The following CPE variants were observed in gnomAD, a reference collection of about 807,000 sequenced individuals.
CPE encodes carboxypeptidase E, also known as carbocypeptidase E.
A neutral mutation model predicts 53.5 loss-of-function variants in CPE; 17 were observed. That is an observed-to-expected ratio of 0.32 (90% CI 0.22 to 0.48). The LOEUF is 0.48. Ranked by LOEUF, CPE falls within the 20% of genes least tolerant of loss-of-function variation. The probability of loss-of-function intolerance (pLI) is 0.99; values close to 1 mark genes in which losing one functional copy is unlikely to be tolerated. For synonymous variants in CPE, 226 were observed against 228.8 expected, an observed-to-expected ratio of 0.99 and a Z score of 0.11; for missense variants, 524 against 614.7, an observed-to-expected ratio of 0.85 and a Z score of 1.56.
At chr4:165,385,478 G>A (rs1025805829) in intron 1 of CPE, among the ~76,000 whole-genome samples, 2 of 118,262 alleles carry the variant, frequency 1.7e-5, no homozygotes, top group African/African-American at 6.8e-5. Context: ...GGGTCTTGCT[G>A]TGTCACCCAG....
intron 1 of CPE, among the ~76,000 whole-genome samples, chr4:165,407,205 C>T (rs970295435): frequency 9.9e-5 from 15 of 152,144 alleles, no homozygotes; most frequent in South Asian, 4.1e-4. Context: ...ACATTCCCAT[C>T]GGCAGTGTAC....
chr4:165,439,694 C>T (rs1731575214), intron 1 of CPE, among the ~76,000 whole-genome samples: 1 of 151,786 alleles, frequency 6.6e-6, no homozygotes, highest in Non-Finnish European at 1.5e-5. Context: ...GACTTCTAAT[C>T]AAAGAATTAT....
intron 5 of CPE, among the ~76,000 whole-genome samples, chr4:165,486,557 C>T (rs908622448): frequency 6.6e-6 from 1 of 152,058 alleles, no homozygotes; most frequent in Non-Finnish European, 1.5e-5. Context: ...AAGATGATTA[C>T]AAGATGAAAG....
At chr4:165,387,619 A>G (rs1046366803) in intron 1 of CPE, among the ~76,000 whole-genome samples, 16 of 151,796 alleles carry the variant, frequency 1.1e-4, no homozygotes, top group Admixed American at 3.3e-4. Context: ...GACCAGCCTG[A>G]CCAACATGGT....
chr4:165,464,345 T>C (rs1560889992), intron 1 of CPE, 45 bp from the exon 2 acceptor site: 1 of 1,470,342 alleles, frequency 6.8e-7, no homozygotes, highest in Non-Finnish European at 9.2e-7. Flanking sequence ...TATTTGGCTC[T>C]GTATGTCATA....
intron 1 of CPE, among the ~76,000 whole-genome samples, chr4:165,433,518 C>T (rs898832989): frequency 6.6e-6 from 1 of 152,114 alleles, no homozygotes; most frequent in African/African-American, 2.4e-5. Context: ...ATTCTCCGCA[C>T]CAGGTGTGGG....
chr4:165,461,990 C>T (rs1732016469), intron 1 of CPE, among the ~76,000 whole-genome samples: 3 of 152,136 alleles, frequency 2.0e-5, no homozygotes. Context: ...ATATAATGAC[C>T]TTTGTTGTCC....
intron 1 of CPE, among the ~76,000 whole-genome samples, chr4:165,409,226 C>T (rs76973350): frequency 0.014 from 2,100 of 152,236 alleles, 20 homozygotes; most frequent in Middle Eastern, 0.024. Flanking sequence ...TTTTCACCCA[C>T]GCAGTCTCCC....
At chr4:165,480,990 C>G (rs1242344404) in intron 3 of CPE, among the ~76,000 whole-genome samples, 2 of 132,670 alleles carry the variant, frequency 1.5e-5, no homozygotes, top group African/African-American at 5.7e-5. Context: ...ACATTTTCTA[C>G]AATGGATATA....
intron 1 of CPE, among the ~76,000 whole-genome samples, chr4:165,390,066 A>T (rs1730656181): frequency 6.6e-6 from 1 of 152,320 alleles, no homozygotes; most frequent in African/African-American, 2.4e-5. Context: ...ATTGACATGC[A>T]TGCAAGCACA....
Position 165,498,512 on chromosome 4 carries a change from T to G in CPE, c.*902T>G, listed in dbSNP as rs924770947. On this transcript the variant is annotated 3_prime_UTR_variant, in exon 9 of 9. Transcript: ENST00000402744. ...TGTGGCAGGCAAAAGGTTCTGATTT[T>G]GGGCACAACCTTTATATAAATAACA... Among the ~76,000 whole-genome samples the G allele has an allele frequency of 1.3e-5, 2 of 152,220 alleles. No homozygotes were observed. The highest frequency in any genetic ancestry group is 4.8e-5 in the African/African-American group (2 of 41,462).
intron 2 of CPE, among the ~76,000 whole-genome samples, chr4:165,466,002 T>C (rs570350846): frequency 1.4e-4 from 22 of 152,234 alleles, no homozygotes; most frequent in Non-Finnish European, 2.2e-4. Flanking sequence ...AAAATATTAT[T>C]CATCGAACAT....
intron 3 of CPE, among the ~76,000 whole-genome samples, chr4:165,473,325 C>CA (rs1019831246): frequency 2.8e-5 from 2 of 71,900 alleles, no homozygotes; most frequent in Admixed American, 2.0e-4. Flanking sequence ...TCTGCCTTAC[C>CA]AAAAATACCT....
chr4:165,391,509 A>G (rs1049503666), intron 1 of CPE, among the ~76,000 whole-genome samples: 1 of 152,154 alleles, frequency 6.6e-6, no homozygotes, highest in Non-Finnish European at 1.5e-5. Context: ...AGTGTAAATC[A>G]TCCTAATTGG....
In CPE at chr4:165,440,462, CCA is replaced by C. The variant is rs1192278322; in HGVS notation, c.308-23919_308-23918del. On this transcript the variant is annotated intron_variant, in intron 1 of 8. Coordinates refer to ENST00000402744, the MANE Select transcript of CPE (RefSeq NM_001873.4). ...GCTGCTCTCACAACCCCACCCCCCC[CCA>C]CACACACAAGCTGTGGTTTCTGGAA... 5.0e-5 allele frequency among the ~76,000 whole-genome samples: 7 copies of C among 139,092 alleles called. 2 individuals carry two copies. Among genetic ancestry groups the C allele is most frequent in the Admixed American group, 2.8e-4 (4 of 14,198 alleles). 91.2% of individuals were successfully genotyped at this position (139,092 alleles called of 152,430 possible).
intron 3 of CPE, 46 bp downstream of exon 3, chr4:165,467,901 GA>G: frequency 5.0e-6 from 8 of 1,586,346 alleles, no homozygotes; most frequent in Non-Finnish European, 6.9e-6. Context: ...CTAGCCTAAG[GA>G]AATATGTTCC....
At chr4:165,495,787 G>A (rs1339485889) in intron 8 of CPE, 110 bp downstream of exon 8, 2 of 641,894 alleles carry the variant, frequency 3.1e-6, no homozygotes, top group Admixed American at 3.5e-5. Context: ...CTATGAGGTA[G>A]GCAACATTGT....
At chr4:165,475,323 G>A (rs1490553382) in intron 3 of CPE, among the ~76,000 whole-genome samples, 1 of 152,180 alleles carries the variant, frequency 6.6e-6, no homozygotes, top group Non-Finnish European at 1.5e-5. Flanking sequence ...AAATCATAAG[G>A]GCTGGGATTC....
intron 1 of CPE, among the ~76,000 whole-genome samples, chr4:165,401,192 G>GT (rs1730862258): frequency 6.6e-6 from 1 of 152,240 alleles, no homozygotes; most frequent in African/African-American, 2.4e-5. Flanking sequence ...TGTACACCCT[G>GT]TAAGTGGTGC....
Sources: allele counts gnomAD v4.1 joint callset (sites outside exome capture counted in the v4.1 genomes callset), GRCh38; gene constraint gnomAD v4.1.1; transcripts MANE v1.5; gene names NCBI Gene and HGNC (gene_info 2026-07-23, HGNC 2026-07-21).